AKAP7: variants seen among roughly 807,000 people sequenced by gnomAD.
AKAP7 encodes the protein A kinase (PRKA) anchor protein 7.
In AKAP7, 39 loss-of-function variants were observed where a neutral mutation model predicts 39.5. That is an observed-to-expected ratio of 0.99 (90% CI 0.76 to 1.29). The LOEUF (loss-of-function observed/expected upper bound fraction) is 1.29, where lower values mean the gene tolerates loss of function less well. AKAP7 is among the 50% of genes most tolerant of loss of function. AKAP7 has a pLI of 0.00. For synonymous variants in AKAP7, 140 were observed against 139.1 expected (o/e 1.01, Z -0.05); for missense variants, 414 against 407.7 (o/e 1.02, Z -0.13).
intron 2 of AKAP7, among the ~76,000 whole-genome samples, chr6:131,147,964 T>G (rs1040926866): frequency 6.6e-6 from 1 of 152,234 alleles, no homozygotes; most frequent in African/African-American, 2.4e-5. Flanking sequence ...GTTTCTGTAG[T>G]CACCATATTC....
chr6:131,231,696 G>A (rs562720200), intron 7 of AKAP7, among the ~76,000 whole-genome samples: 1 of 152,034 alleles, frequency 6.6e-6, no homozygotes, highest in South Asian at 2.1e-4. Flanking sequence ...TACTAGGCTG[G>A]GATAAAAGAA....
chr6:131,199,313 C>T (rs1807282484), intron 5 of AKAP7, 148 bp from the exon 6 acceptor site: 1 of 593,554 alleles, frequency 1.7e-6, no homozygotes, highest in African/African-American at 1.9e-5. Context: ...TTTTTTCTCT[C>T]TTTTAAAGAA....
At chr6:131,144,408 A>C (rs191090373) in intron 1 of AKAP7, among the ~76,000 whole-genome samples, 1 of 152,326 alleles carries the variant, frequency 6.6e-6, no homozygotes, top group African/African-American at 2.4e-5. Flanking sequence ...GAATTAAAGG[A>C]CTTCTTAAAC....
chr6:131,240,680 C>T (rs926275315), intron 7 of AKAP7, among the ~76,000 whole-genome samples: 8 of 152,174 alleles, frequency 5.3e-5, no homozygotes, highest in Admixed American at 2.0e-4. Context: ...ATGAGCAAGG[C>T]TCCATGGGTG....
At chr6:131,251,671 C>T (rs1812458477) in intron 7 of AKAP7, among the ~76,000 whole-genome samples, 1 of 152,184 alleles carries the variant, frequency 6.6e-6, no homozygotes. Flanking sequence ...AGTCTCCAAA[C>T]ATTGGAAACT....
chr6:131,169,527 T>C (rs1028025613), intron 5 of AKAP7, among the ~76,000 whole-genome samples: 3 of 152,204 alleles, frequency 2.0e-5, no homozygotes, highest in Non-Finnish European at 2.9e-5. Context: ...TTGTGGGAGT[T>C]GTCATCCCCA....
At chr6:131,196,289 G>A (rs1255879678) in intron 5 of AKAP7, among the ~76,000 whole-genome samples, 4 of 134,400 alleles carry the variant, frequency 3.0e-5, no homozygotes, top group Non-Finnish European at 4.6e-5. Context: ...TTTTTGAGAC[G>A]GAGTCTCACT....
At chr6:131,141,153 C>G (rs1467528312) in intron 1 of AKAP7, among the ~76,000 whole-genome samples, 4 of 152,172 alleles carry the variant, frequency 2.6e-5, no homozygotes, top group Non-Finnish European at 4.4e-5. Flanking sequence ...CCCTTCAAAT[C>G]TCATGCTGAG....
At chr6:131,129,379 C>T in the AKAP7 span, among the ~76,000 whole-genome samples, 4 of 151,128 alleles carry the variant, frequency 2.6e-5, no homozygotes, top group Non-Finnish European at 5.9e-5. Flanking sequence ...TTGTAAAAGA[C>T]AAAAGTAGCT....
At chr6:131,168,835 T>A (rs982963731) in intron 4 of AKAP7, among the ~76,000 whole-genome samples, 4 of 152,216 alleles carry the variant, frequency 2.6e-5, no homozygotes, top group Admixed American at 1.3e-4. Context: ...AATATTTCAC[T>A]TGGTTAAAAA....
intron 1 of AKAP7, among the ~76,000 whole-genome samples, chr6:131,142,115 G>T (rs993612023): frequency 2.0e-5 from 3 of 152,162 alleles, no homozygotes; most frequent in African/African-American, 7.2e-5. Context: ...TGCAGCTTAG[G>T]CTTGTGGTAA....
At chr6:131,184,943 T>G (rs913068534) in intron 5 of AKAP7, 3 of 808,176 alleles carry the variant, frequency 3.7e-6, no homozygotes, top group Non-Finnish European at 6.7e-6. Context: ...TACCCTTGGA[T>G]TACCCCTTTC....
chr6:131,282,530 G>C lies in AKAP7; in HGVS notation c.*804G>C, dbSNP rs1815287415. On this transcript the variant is annotated 3_prime_UTR_variant, in exon 8 of 8. Transcript: ENST00000431975. ...TGAGACTCAGGCCAGAATTAGGAGG[G>C]AGCTTTTTGAAGGAAGACTTATTAA... 1 of 1,535,842 alleles carries C rather than the reference G, an allele frequency of 6.5e-7. No individual in the cohort carries two copies. Among genetic ancestry groups the C allele is most frequent in the African/African-American group, 1.4e-5 (1 of 73,120 alleles).
intron 7 of AKAP7, among the ~76,000 whole-genome samples, chr6:131,228,680 C>T (rs1321679089): frequency 5.9e-5 from 9 of 152,042 alleles, no homozygotes; most frequent in Non-Finnish European, 1.5e-5. Flanking sequence ...TTAGGTTCAC[C>T]AGTTCTTAGA....
intron 5 of AKAP7, among the ~76,000 whole-genome samples, chr6:131,173,303 T>C (rs1026532492): frequency 5.9e-5 from 9 of 152,176 alleles, no homozygotes; most frequent in African/African-American, 2.2e-4. Context: ...GTTGAACATT[T>C]AACTTGTGTC....
chr6:131,127,005 G>T, the AKAP7 span, among the ~76,000 whole-genome samples: 41 of 151,914 alleles, frequency 2.7e-4, no homozygotes, highest in South Asian at 4.0e-3. Context: ...AGATTTGTGG[G>T]GAAAATAGAC....
chr6:131,214,762 A>G (rs1015793605), intron 6 of AKAP7, among the ~76,000 whole-genome samples: 7 of 152,148 alleles, frequency 4.6e-5, no homozygotes, highest in South Asian at 2.1e-4. Flanking sequence ...TAATTTTGAC[A>G]TTGGTTTTGG....
At chr6:131,156,145 G>A (rs1302824747) in intron 2 of AKAP7, among the ~76,000 whole-genome samples, 3 of 151,808 alleles carry the variant, frequency 2.0e-5, no homozygotes, top group Non-Finnish European at 4.4e-5. Context: ...TTTTTTCCCA[G>A]TACAGTACAG....
chr6:131,126,043 C>T, the AKAP7 span, among the ~76,000 whole-genome samples: 1 of 152,110 alleles, frequency 6.6e-6, no homozygotes, highest in South Asian at 2.1e-4. Flanking sequence ...AATGTTCTGT[C>T]TGCCATGAAG....
Sources: allele counts gnomAD v4.1 joint callset (sites outside exome capture counted in the v4.1 genomes callset), GRCh38; gene constraint gnomAD v4.1.1; transcripts MANE v1.5; gene names NCBI Gene and HGNC (gene_info 2026-07-23, HGNC 2026-07-21).